The following ATP11C variants were observed in gnomAD, a reference collection of about 807,000 sequenced individuals.
The protein encoded by ATP11C is phospholipid-transporting ATPase IG.
Under a neutral mutation model 97.4 loss-of-function variants are expected in ATP11C, and 36 were observed. The ratio of observed to expected loss-of-function variants is 0.37; its 90% CI spans 0.28 to 0.49. The LOEUF is 0.49. ATP11C is among the 20% of genes least tolerant of loss of function. ATP11C has a pLI of 0.98. For missense variants in ATP11C, 730 were observed against 824.6 expected, an observed-to-expected ratio of 0.89 and a Z score of 1.40; for synonymous variants, 275 against 290.9, an observed-to-expected ratio of 0.95 and a Z score of 0.56.
intron 1 of ATP11C, among the ~76,000 whole-genome samples, chrX:139,885,933 A>G (rs2084634151): frequency 9.0e-6 from 1 of 111,620 alleles, no homozygotes; most frequent in African/African-American, 3.3e-5. Context: ...ATACTTAATA[A>G]TAAAACACAA....
intron 1 of ATP11C, among the ~76,000 whole-genome samples, chrX:139,897,775 C>T (rs2084834718): frequency 9.1e-6 from 1 of 110,264 alleles, no homozygotes; most frequent in African/African-American, 3.3e-5. Context: ...TGTTAGAAGC[C>T]AGGGACATTT....
intron 1 of ATP11C, among the ~76,000 whole-genome samples, chrX:139,913,664 G>A (rs2085111413): frequency 9.0e-6 from 1 of 110,991 alleles, no homozygotes; most frequent in South Asian, 3.9e-4. Context: ...CTACCGGCCA[G>A]AGAACAACCC....
chrX:139,757,844 C>T lies in ATP11C; in HGVS notation c.2664G>A (p.Gln888=), dbSNP rs761358151. ...FYKNLCFILP[Q]FLYQFFCGFS... ...ATCCACAGAAGAACTGGTACAAAAA[C>T]TGTGGCAAAATGAAACAAAGGTTCT... The change falls in exon 23 of 30, where the codon CAG becomes CAA. Residue 888 remains glutamine (Q), a synonymous_variant. Coordinates refer to ENST00000682941, the MANE Select transcript of ATP11C (RefSeq NM_001353812.2). The T allele has an allele frequency of 8.4e-7, 1 of 1,186,086 alleles. No individual in the cohort carries two copies. The highest frequency in any genetic ancestry group is 1.1e-6 in the Non-Finnish European group (1 of 881,604).
chrX:139,844,568 A>G (rs1424385092), intron 1 of ATP11C, among the ~76,000 whole-genome samples: 3 of 112,107 alleles, frequency 2.7e-5, no homozygotes, highest in African/African-American at 6.5e-5. Context: ...TCTGAACAAG[A>G]AGGGGGCCAC....
At chrX:139,812,259 T>C (rs748112994) in intron 5 of ATP11C, among the ~76,000 whole-genome samples, 4 of 112,012 alleles carry the variant, frequency 3.6e-5, no homozygotes, top group African/African-American at 1.3e-4. Flanking sequence ...TCAAATAGCA[T>C]CTCACACAAT....
At position 139,789,464 on chromosome X, in the gene ATP11C, T is replaced by A; in HGVS notation, c.1231A>T (p.Thr411Ser). The A allele has an allele frequency of 2.5e-6, 3 of 1,196,635 alleles. No individual in the cohort carries two copies. Among genetic ancestry groups the A allele is most frequent in the Non-Finnish European group, 3.4e-6 (3 of 888,933 alleles). ...ATGCTGTTTTCAGTGAGTGTTCCAG[T>A]CTTATCTGTAAATACATAATCCACC... Reference protein sequence around the residue: ...GQVDYVFTDKTGTLTENSMEF... With the variant: ...GQVDYVFTDKSGTLTENSMEF... The change falls in exon 13 of 30, where the codon ACT becomes TCT. Residue 411 changes from threonine to serine, a missense_variant. Thr to Ser is a moderately conservative substitution (Grantham distance 58, BLOSUM62 1). Transcript: ENST00000682941.
At position 139,932,851 on chromosome X, in the gene ATP11C, G is replaced by C. The variant is rs896574668; in HGVS notation, c.-809C>G. 2 of 111,448 alleles carry C rather than the reference G, an allele frequency of 1.8e-5. No individual in the cohort carries two copies. Among genetic ancestry groups the C allele is most frequent in the African/African-American group, 6.5e-5 (2 of 30,690 alleles). The allele number at this position is 111,448 out of a possible 1,213,427, so 9.2% of individuals were successfully genotyped here. On this transcript the variant is annotated 5_prime_UTR_variant, in exon 1 of 30. Coordinates refer to ENST00000682941, the MANE Select transcript of ATP11C (RefSeq NM_001353812.2). The stretch of plus-strand genomic sequence containing the variant: ...CACCGTGAAGACCCCAGCGCGGGAG[G>C]GGCGGGGCGGGGTGCGAGGGGGGAC...
chrX:139,906,074 C>G (rs1176235205), intron 1 of ATP11C, among the ~76,000 whole-genome samples: 1 of 111,346 alleles, frequency 9.0e-6, no homozygotes, highest in African/African-American at 3.3e-5. Flanking sequence ...GAATCTTAGT[C>G]CCTCCCTTCT....
In ATP11C at chrX:139,787,194, T is replaced by C; in HGVS notation, c.1571A>G (p.Asn524Ser). Residue 524 changes from asparagine (N) to serine (S), a missense_variant, in exon 15 of 30, where the codon AAC becomes AGC. By Grantham distance (46) the Asn-to-Ser change is conservative. Coordinates refer to ENST00000682941, the MANE Select transcript of ATP11C (RefSeq NM_001353812.2). ...TTACTCTTCTATTTCTTTTCTTTGG[T>C]TCTCTACTCTCATATATCCATTTCG... ...GNRNGYMRVE[N>S]QRKEIEEYEL... is the part of the protein sequence containing the mutation. 8.4e-7 allele frequency: 1 copy of C among 1,194,527 alleles called. No homozygotes were observed. Among genetic ancestry groups the C allele is most frequent in the Non-Finnish European group, 1.1e-6 (1 of 880,202 alleles).
intron 1 of ATP11C, among the ~76,000 whole-genome samples, chrX:139,913,378 T>A (rs1015425775): frequency 1.8e-5 from 2 of 111,642 alleles, no homozygotes; most frequent in Non-Finnish European, 3.8e-5. Flanking sequence ...CTACATTAGA[T>A]CCTCAATCAT....
At chrX:139,904,680 T>C (rs747316556) in intron 1 of ATP11C, among the ~76,000 whole-genome samples, 27 of 111,642 alleles carry the variant, frequency 2.4e-4, no homozygotes, top group Non-Finnish European at 4.0e-4. Context: ...TTGGGTGGTC[T>C]GACATTAGCC....
rs765634346 is a variant in ATP11C, at chrX:139,785,296, A to G, written c.1596T>C (p.Tyr532=). 3.3e-6 allele frequency: 4 copies of G among 1,198,521 alleles called. No individual in the cohort carries two copies. Among genetic ancestry groups the G allele is most frequent in the South Asian group, 1.8e-5 (1 of 55,483 alleles). ...VENQRKEIEE[Y]ELLHTLNFDA... is the part of the protein sequence containing the mutation. ...CAAAGTTTAAGGTGTGAAGAAGTTCATATCTTTAAGAGAAATGAGCAAAGT... is the reference window on the plus strand; with the variant it reads ...CAAAGTTTAAGGTGTGAAGAAGTTCGTATCTTTAAGAGAAATGAGCAAAGT... The change falls in exon 16 of 30, where the codon TAT becomes TAC. Residue 532 remains tyrosine, a synonymous_variant. Transcript: ENST00000682941.
At chrX:139,768,029 G>A (rs1036462956) in intron 20 of ATP11C, among the ~76,000 whole-genome samples, 13 of 111,449 alleles carry the variant, frequency 1.2e-4, no homozygotes, top group Non-Finnish European at 2.3e-4. Context: ...AGTCTGGAAG[G>A]TGAGGAACTG....
At chrX:139,783,014 T>G in intron 17 of ATP11C, 150 bp downstream of exon 17, 3 of 453,177 alleles carry the variant, frequency 6.6e-6, no homozygotes, top group Non-Finnish European at 1.1e-5. Context: ...TAAAAAAAAG[T>G]AATATTATCA....
intron 10 of ATP11C, among the ~76,000 whole-genome samples, chrX:139,797,659 T>C (rs932183449): frequency 3.6e-5 from 4 of 111,396 alleles, no homozygotes; most frequent in Admixed American, 1.9e-4. Flanking sequence ...AGAAAGAGTA[T>C]CTTGTCTCCA....
chrX:139,799,360 C>T (rs1280019908), intron 8 of ATP11C, among the ~76,000 whole-genome samples: 1 of 111,560 alleles, frequency 9.0e-6, no homozygotes, highest in Non-Finnish European at 1.9e-5. Flanking sequence ...TTTCATTTTA[C>T]GTAAGTCCAG....
Position 139,909,121 on chromosome X carries a change from T to G in ATP11C, c.27+22895A>C, listed in dbSNP as rs1257329158. On this transcript the variant is annotated intron_variant, in intron 1 of 29. Transcript: ENST00000682941. Reference sequence around the variant, plus strand: ...ACTTTAAACCACACTGCTTTTGGGGTTTTTTTTATTTTGTTTTGTTTTGTT... The same window carrying G: ...ACTTTAAACCACACTGCTTTTGGGGGTTTTTTTATTTTGTTTTGTTTTGTT... Among the ~76,000 whole-genome samples, 6 of 110,445 alleles carry G rather than the reference T, an allele frequency of 5.4e-5. No individual in the cohort carries two copies. The East Asian group carries it at 8.6e-4, about 16-fold the overall frequency.
Position 139,921,087 on chromosome X carries a change from G to A in ATP11C, c.27+10929C>T, listed in dbSNP as rs193252296. 1.5e-4 allele frequency among the ~76,000 whole-genome samples: 17 copies of A among 111,704 alleles called. No individual in the cohort carries two copies. The East Asian group carries it at 4.5e-3, about 30-fold the overall frequency. ...CCATTTACTGAACGGGAAAACTGGAGGAGGAACAAATATGAAAGTGGAGAG... is the reference window on the plus strand; with the variant it reads ...CCATTTACTGAACGGGAAAACTGGAAGAGGAACAAATATGAAAGTGGAGAG... On this transcript the variant is annotated intron_variant, in intron 1 of 29. Transcript: ENST00000682941.
At chrX:139,730,898 C>T (rs1237799071) in intron 29 of ATP11C, among the ~76,000 whole-genome samples, 7 of 111,186 alleles carry the variant, frequency 6.3e-5, no homozygotes, top group Admixed American at 9.6e-5. Context: ...GGCCCTCCCA[C>T]GGCGTATCAA....
Sources: allele counts gnomAD v4.1 joint callset (sites outside exome capture counted in the v4.1 genomes callset), GRCh38; gene constraint gnomAD v4.1.1; transcripts MANE v1.5; gene names NCBI Gene and HGNC (gene_info 2026-07-23, HGNC 2026-07-21).